Variants in YEATS4 observed in about 807,000 individuals in gnomAD.
The protein encoded by YEATS4 is YEATS domain-containing protein 4.
YEATS4 carries 17 observed loss-of-function variants against 30.1 expected under a neutral mutation model. The ratio of observed to expected loss-of-function variants is 0.56; its 90% confidence interval spans 0.39 to 0.85. The LOEUF (loss-of-function observed/expected upper bound fraction) is 0.85. Ranked by LOEUF, YEATS4 falls within the 40% of genes least tolerant of loss-of-function variation. The pLI is 0.00. For missense variants in YEATS4, 142 were observed against 268.3 expected (o/e 0.53, Z 3.29); for synonymous variants, 85 against 87.5 (o/e 0.97, Z 0.16).
At chr12:69,385,079 G>A (rs1039716539) in intron 6 of YEATS4, among the ~76,000 whole-genome samples, 5 of 151,936 alleles carry the variant, frequency 3.3e-5, no homozygotes, top group African/African-American at 9.7e-5. Context: ...TGTCATGATC[G>A]TAGCTCACTG....
intron 6 of YEATS4, among the ~76,000 whole-genome samples, chr12:69,383,619 G>A (rs12319349): frequency 6.6e-6 from 1 of 152,220 alleles, no homozygotes; most frequent in Non-Finnish European, 1.5e-5. Context: ...TCAGGAACTA[G>A]AGAGTGTCTC....
chr12:69,385,573 A>C (rs1291028913), intron 6 of YEATS4, among the ~76,000 whole-genome samples: 2 of 152,196 alleles, frequency 1.3e-5, no homozygotes, highest in African/African-American at 4.8e-5. Context: ...AGGTTAAGAA[A>C]CTTGCCCAGG....
At chr12:69,366,797 G>T (rs925043900) in intron 4 of YEATS4, among the ~76,000 whole-genome samples, 1 of 152,152 alleles carries the variant, frequency 6.6e-6, no homozygotes, top group Admixed American at 6.6e-5. Flanking sequence ...TATTTTTAAA[G>T]GAGCTGAATA....
intron 2 of YEATS4, among the ~76,000 whole-genome samples, chr12:69,363,844 T>G (rs1274171819): frequency 1.3e-5 from 2 of 152,224 alleles, no homozygotes; most frequent in East Asian, 3.8e-4. Context: ...AAATGTGATA[T>G]ATCCATACAA....
At chr12:69,374,874 G>A (rs1382053939) in intron 6 of YEATS4, among the ~76,000 whole-genome samples, 20 of 152,080 alleles carry the variant, frequency 1.3e-4, no homozygotes, top group African/African-American at 4.3e-4. Context: ...ATCATGGCCC[G>A]TTCTCAATGA....
At chr12:69,425,923 G>A in the YEATS4 span, among the ~76,000 whole-genome samples, 1 of 152,094 alleles carries the variant, frequency 6.6e-6, no homozygotes, top group Non-Finnish European at 1.5e-5. Flanking sequence ...CACTCTTGCT[G>A]CCCTGGAATT....
chr12:69,417,862 A>G, the YEATS4 span, among the ~76,000 whole-genome samples: 1 of 151,472 alleles, frequency 6.6e-6, no homozygotes, highest in Non-Finnish European at 1.5e-5. Context: ...TAGGGAAAAA[A>G]AAAAAAAAAA....
intron 6 of YEATS4, among the ~76,000 whole-genome samples, chr12:69,382,368 G>A (rs544743838): frequency 1.3e-5 from 2 of 152,282 alleles, no homozygotes; most frequent in Admixed American, 1.3e-4. Flanking sequence ...GAATAATCCT[G>A]GTGCTCTGTT....
At chr12:69,379,606 T>C (rs1875993958) in intron 6 of YEATS4, among the ~76,000 whole-genome samples, 1 of 131,186 alleles carries the variant, frequency 7.6e-6, no homozygotes, top group Non-Finnish European at 1.6e-5. Flanking sequence ...TTTTTTTTTT[T>C]TTTTTTTTTT....
chr12:69,360,993 T>C (rs1258369807), intron 1 of YEATS4, among the ~76,000 whole-genome samples: 2 of 151,288 alleles, frequency 1.3e-5, no homozygotes, highest in African/African-American at 4.8e-5. Context: ...AGATCAGAAG[T>C]TCAAGACCAG....
chr12:69,386,854 C>T (rs1006817286), intron 6 of YEATS4, among the ~76,000 whole-genome samples: 16 of 152,124 alleles, frequency 1.1e-4, no homozygotes, highest in African/African-American at 3.9e-4. Flanking sequence ...GCCCTATATA[C>T]TGTTTTTTCC....
chr12:69,383,354 C>T (rs1007177403), intron 6 of YEATS4, among the ~76,000 whole-genome samples: 3 of 151,934 alleles, frequency 2.0e-5, no homozygotes, highest in African/African-American at 7.3e-5. Context: ...TGCACCATGG[C>T]ATTCAAAGAG....
Position 69,360,030 on chromosome 12 carries a change from G to C in YEATS4, c.51+7G>C. Reference sequence around the variant, plus strand: ...CTCCGGCGGGAGAGTAAAGGTCAGTGCCCGGACCGCCCCTCTTCCGGGGTG... The same window carrying C: ...CTCCGGCGGGAGAGTAAAGGTCAGTCCCCGGACCGCCCCTCTTCCGGGGTG... On this transcript the variant is annotated splice_region_variant and intron_variant, in intron 1 of 6. Coordinates refer to ENST00000247843, the MANE Select transcript of YEATS4 (RefSeq NM_006530.4). The C allele has an allele frequency of 1.2e-6, 2 of 1,612,686 alleles. No homozygotes were observed. The highest frequency in any genetic ancestry group is 1.7e-6 in the Non-Finnish European group (2 of 1,179,326).
At chr12:69,426,024 G>A in the YEATS4 span, among the ~76,000 whole-genome samples, 3 of 152,230 alleles carry the variant, frequency 2.0e-5, no homozygotes, top group Middle Eastern at 6.8e-3. Context: ...CGCTTGAGGC[G>A]AGGAGTTCAA....
At chr12:69,411,620 A>C in the YEATS4 span, among the ~76,000 whole-genome samples, 11 of 152,078 alleles carry the variant, frequency 7.2e-5, no homozygotes, top group East Asian at 2.1e-3. Flanking sequence ...GGGGAAGAGA[A>C]TTGGGAGTAC....
At chr12:69,380,540 T>G (rs1876034310) in intron 6 of YEATS4, among the ~76,000 whole-genome samples, 2 of 152,212 alleles carry the variant, frequency 1.3e-5, no homozygotes, top group Non-Finnish European at 2.9e-5. Context: ...TGGGACTGCC[T>G]TAGGTCAGAC....
intron 6 of YEATS4, among the ~76,000 whole-genome samples, chr12:69,378,578 T>G (rs1376980180): frequency 6.6e-6 from 1 of 152,206 alleles, no homozygotes; most frequent in Non-Finnish European, 1.5e-5. Context: ...TTGCAAATAA[T>G]ATCCTATAAC....
intron 6 of YEATS4, among the ~76,000 whole-genome samples, chr12:69,382,495 G>A (rs1876119751): frequency 6.6e-6 from 1 of 152,172 alleles, no homozygotes; most frequent in South Asian, 2.1e-4. Flanking sequence ...GGCCCACAAG[G>A]AGTTCTGTCA....
chr12:69,364,811 A>C (rs1185603031), intron 2 of YEATS4, among the ~76,000 whole-genome samples: 1 of 151,892 alleles, frequency 6.6e-6, no homozygotes, highest in African/African-American at 2.4e-5. Flanking sequence ...GTAGAGATGG[A>C]GTTTCCCCAT....
Sources: gnomAD v4.1 joint callset for allele counts (sites outside exome capture counted in the v4.1 genomes callset) on GRCh38, gnomAD v4.1.1 for gene constraint, MANE v1.5 for transcripts, NCBI Gene and HGNC (gene_info 2026-07-23, HGNC 2026-07-21) for gene names.